Variants in CAST observed in about 807,000 individuals in gnomAD.
The protein encoded by CAST is calpastatin.
A neutral mutation model predicts 119.6 loss-of-function variants in CAST; 76 were observed. That is an observed-to-expected ratio of 0.64 (90% CI 0.53 to 0.77). CAST has a LOEUF of 0.77. Ranked by LOEUF, CAST falls within the 30% of genes least tolerant of loss-of-function variation. CAST has a pLI of 0.00. For synonymous variants in CAST, 319 were observed against 331.6 expected (o/e 0.96, Z 0.41); for missense variants, 953 against 946.5 (o/e 1.01, Z -0.09).
the CAST span, among the ~76,000 whole-genome samples, chr5:96,189,603 G>A: frequency 6.6e-6 from 1 of 151,798 alleles, no homozygotes; most frequent in Non-Finnish European, 1.5e-5. Context: ...TTGCTTTCTG[G>A]GACCCCTATT....
At chr5:96,014,927 A>G in the CAST span, among the ~76,000 whole-genome samples, 1 of 152,142 alleles carries the variant, frequency 6.6e-6, no homozygotes, top group African/African-American at 2.4e-5. Flanking sequence ...ACGTTAAATG[A>G]TCTTTTCAGA....
chr5:96,570,694 G>A (rs187846476), intron 1 of CAST, among the ~76,000 whole-genome samples: 6 of 152,184 alleles, frequency 3.9e-5, no homozygotes, highest in Non-Finnish European at 7.4e-5. Context: ...AAGCAACTTC[G>A]GTAAAGATTT....
the CAST span, among the ~76,000 whole-genome samples, chr5:96,246,402 G>A: frequency 6.6e-6 from 1 of 152,040 alleles, no homozygotes; most frequent in African/African-American, 2.4e-5. Flanking sequence ...ACCCAGGATG[G>A]TCTCGATTTC....
the CAST span, among the ~76,000 whole-genome samples, chr5:96,126,877 A>G: frequency 6.6e-6 from 1 of 152,146 alleles, no homozygotes; most frequent in Non-Finnish European, 1.5e-5. Context: ...TTAGAAAGTC[A>G]TATTTTGAAT....
chr5:96,747,406 T>C lies in CAST; in HGVS notation c.1332+14T>C. The C allele has an allele frequency of 1.3e-6, 2 of 1,526,794 alleles. No homozygotes were observed. The highest frequency in any genetic ancestry group is 1.8e-6 in the Non-Finnish European group (2 of 1,101,966). 94.6% of individuals were successfully genotyped at this position (1,526,794 alleles called of 1,614,324 possible). On this transcript the variant is annotated intron_variant, in intron 18 of 31. Transcript: ENST00000675179. The stretch of plus-strand genomic sequence containing the variant: ...GAAAAACCCAAGGTTAGGAAATACA[T>C]TTTTTTCTGATACTTAAAGAACAAT...
At chr5:96,719,017 G>A (rs1757715930) in intron 3 of CAST, among the ~76,000 whole-genome samples, 1 of 152,180 alleles carries the variant, frequency 6.6e-6, no homozygotes, top group South Asian at 2.1e-4. Context: ...GAGGTGCCTG[G>A]CAAGAGGCCA....
the CAST span, among the ~76,000 whole-genome samples, chr5:96,150,275 G>A: frequency 6.6e-6 from 1 of 152,180 alleles, no homozygotes; most frequent in Admixed American, 6.5e-5. Flanking sequence ...TGGTGGAAAA[G>A]GTACTGGTTC....
chr5:96,465,882 T>C, the CAST span, among the ~76,000 whole-genome samples: 1 of 152,132 alleles, frequency 6.6e-6, no homozygotes, highest in African/African-American at 2.4e-5. Flanking sequence ...CAGCCATATA[T>C]GTACATAGAT....
intron 1 of CAST, among the ~76,000 whole-genome samples, chr5:96,619,503 A>G (rs990519658): frequency 3.3e-5 from 5 of 152,256 alleles, no homozygotes; most frequent in Non-Finnish European, 5.9e-5. Flanking sequence ...CCGAACTAGC[A>G]GCAGCAACCT....
intron 1 of CAST, among the ~76,000 whole-genome samples, chr5:96,627,440 A>G (rs985739483): frequency 6.6e-6 from 1 of 152,230 alleles, no homozygotes; most frequent in Non-Finnish European, 1.5e-5. Flanking sequence ...ATTTTCATAA[A>G]TAATGGTGAT....
chr5:96,116,311 A>G, the CAST span, among the ~76,000 whole-genome samples: 1 of 152,110 alleles, frequency 6.6e-6, no homozygotes, highest in Non-Finnish European at 1.5e-5. Flanking sequence ...GTAGTATTTC[A>G]TGTCATAGAT....
intron 1 of CAST, among the ~76,000 whole-genome samples, chr5:96,619,615 A>G (rs1025421105): frequency 1.3e-5 from 2 of 152,226 alleles, no homozygotes; most frequent in Admixed American, 6.5e-5. Context: ...TATGAGCTGT[A>G]ACGCTCACTG....
the CAST span, among the ~76,000 whole-genome samples, chr5:96,306,463 A>G: frequency 6.6e-6 from 1 of 151,164 alleles, no homozygotes; most frequent in Non-Finnish European, 1.5e-5. Context: ...TTTTGCTCTG[A>G]TCTTGGTTAT....
At chr5:96,278,294 CT>C in the CAST span, among the ~76,000 whole-genome samples, 2 of 152,212 alleles carry the variant, frequency 1.3e-5, no homozygotes, top group South Asian at 4.2e-4. Flanking sequence ...CCTTTTGTCC[CT>C]TTGTAATCAG....
intron 28 of CAST, 123 bp downstream of exon 28, chr5:96,767,605 A>G (rs1441393667): frequency 4.7e-5 from 33 of 705,626 alleles, no homozygotes; most frequent in East Asian, 1.1e-4. Context: ...TTGTCAAAGC[A>G]TGCATATAAA....
chr5:96,241,066 T>C, the CAST span, among the ~76,000 whole-genome samples: 1 of 152,058 alleles, frequency 6.6e-6, no homozygotes, highest in African/African-American at 2.4e-5. Context: ...TTTTTTTAAA[T>C]TTATTATTAT....
the CAST span, among the ~76,000 whole-genome samples, chr5:96,088,945 A>C: frequency 2.0e-5 from 3 of 151,940 alleles, no homozygotes; most frequent in Non-Finnish European, 4.4e-5. Context: ...TGAGGTGATT[A>C]GTTACAGCCA....
At chr5:96,563,827 C>A (rs1342891677) in intron 1 of CAST, among the ~76,000 whole-genome samples, 10 of 152,224 alleles carry the variant, frequency 6.6e-5, no homozygotes, top group Admixed American at 4.6e-4. Context: ...GTGAGGTCTT[C>A]TGAGCCTAAA....
chr5:96,302,883 T>G, the CAST span, among the ~76,000 whole-genome samples: 28 of 152,296 alleles, frequency 1.8e-4, no homozygotes, highest in East Asian at 4.6e-3. Context: ...TTCTTCTGAG[T>G]CCAAACTGTT....
Sources: allele counts gnomAD v4.1 joint callset (sites outside exome capture counted in the v4.1 genomes callset), GRCh38; gene constraint gnomAD v4.1.1; transcripts MANE v1.5; gene names NCBI Gene and HGNC (gene_info 2026-07-23, HGNC 2026-07-21).